VARS2: variants seen among roughly 807,000 people sequenced by gnomAD.
VARS2 encodes the protein valine--tRNA ligase, mitochondrial.
VARS2 carries 105 observed loss-of-function variants against 154.1 expected under a neutral mutation model. The ratio of observed to expected loss-of-function variants is 0.68; its 90% CI spans 0.58 to 0.80. The LOEUF is 0.80. Among genes scored for constraint, VARS2 ranks in the 30% least tolerant of loss-of-function variants. The probability of loss-of-function intolerance (pLI) is 0.00; values close to 1 mark genes in which losing one functional copy is unlikely to be tolerated. For synonymous variants in VARS2, 483 were observed against 539.5 expected, an observed-to-expected ratio of 0.90 and a Z score of 1.45; for missense variants, 1,157 against 1,361.4, an observed-to-expected ratio of 0.85 and a Z score of 2.36.
chr6:30,916,787 C>G lies in VARS2; in HGVS notation c.672-91C>G. The stretch of plus-strand genomic sequence containing the variant: ...AATGCCATCCTCACTTGATTTTCCT[C>G]CAACACCTGGCATTGCTGGGGGCAT... On this transcript the variant is annotated intron_variant, in intron 7 of 29. Transcript: ENST00000676266. The surrounding 1 kb of genome is among the most constrained non-coding windows in gnomAD (Gnocchi z 4.0). The G allele has an allele frequency of 7.6e-7, 1 of 1,323,774 alleles. No individual in the cohort carries two copies. Among genetic ancestry groups the G allele is most frequent in the Non-Finnish European group, 1.1e-6 (1 of 918,716 alleles). The allele number at this position is 1,323,774 out of a possible 1,614,324, so 82.0% of individuals were successfully genotyped here. A position where few individuals can be genotyped will look rare whatever the true frequency, so the allele number is the denominator to read the frequency against.
In VARS2 at chr6:30,919,973, G is replaced by A; in HGVS notation, c.1166-116G>A. Reference sequence around the variant, plus strand: ...AGGGTGGTCTGAGTGGGGAATGGGAGGGAGGCACAGACAGAGAAAGTCGCA... The same window carrying A: ...AGGGTGGTCTGAGTGGGGAATGGGAAGGAGGCACAGACAGAGAAAGTCGCA... On this transcript the variant is annotated intron_variant, in intron 12 of 29. Coordinates refer to ENST00000676266, the MANE Select transcript of VARS2 (RefSeq NM_020442.6). The surrounding 1 kb of genome is among the most constrained non-coding windows in gnomAD (Gnocchi z 4.5). The A allele has an allele frequency of 1.8e-6, 2 of 1,092,942 alleles. No homozygotes were observed. Among genetic ancestry groups the A allele is most frequent in the South Asian group, 3.6e-5 (2 of 54,858 alleles). The allele number at this position is 1,092,942 out of a possible 1,614,324, so 67.7% of individuals were successfully genotyped here.
In VARS2 at chr6:30,915,339, T is replaced by C. The variant is rs1181572311; in HGVS notation, c.284-16T>C. The stretch of plus-strand genomic sequence containing the variant: ...ACAAGTTCAGTGGTTAGTGGAGCTC[T>C]CCTCTGCCTTCACAGATGTCTCTGG... On this transcript the variant is annotated splice_polypyrimidine_tract_variant and intron_variant, in intron 3 of 29. Coordinates refer to ENST00000676266, the MANE Select transcript of VARS2 (RefSeq NM_020442.6). The C allele has an allele frequency of 1.4e-5, 23 of 1,613,980 alleles. No homozygotes were observed. The highest frequency in any genetic ancestry group is 1.9e-5 in the Non-Finnish European group (22 of 1,179,832).
In VARS2 at chr6:30,920,639, G is replaced by A; in HGVS notation, c.1398-29G>A. The A allele has an allele frequency of 6.6e-7, 1 of 1,520,598 alleles. No individual in the cohort carries two copies. Among genetic ancestry groups the A allele is most frequent in the Non-Finnish European group, 8.9e-7 (1 of 1,126,150 alleles). The allele number at this position is 1,520,598 out of a possible 1,614,324, so 94.2% of individuals were successfully genotyped here. On this transcript the variant is annotated intron_variant, in intron 14 of 29. Coordinates refer to ENST00000676266, the MANE Select transcript of VARS2 (RefSeq NM_020442.6). The surrounding 1 kb of genome is among the most constrained non-coding windows in gnomAD (Gnocchi z 4.6). ...TGGGAGAAGTCACAGGGCCGGAAGA[G>A]CAGTGGACTCACCCTGTCTCTCTTT...
At position 30,916,568 on chromosome 6, in the gene VARS2, T is replaced by C. The variant is rs1362433655; in HGVS notation, c.672-310T>C. ...CTTCTTCCACTCGCCCATTCCCACCTTTCAATTCCCATGGAATTACCCTCA... is the reference window on the plus strand; with the variant it reads ...CTTCTTCCACTCGCCCATTCCCACCCTTCAATTCCCATGGAATTACCCTCA... On this transcript the variant is annotated intron_variant, in intron 7 of 29. Coordinates refer to ENST00000676266, the MANE Select transcript of VARS2 (RefSeq NM_020442.6). The surrounding 1 kb of genome is among the most constrained non-coding windows in gnomAD (Gnocchi z 4.0). 2.3e-6 allele frequency: 1 copy of C among 427,460 alleles called. No individual in the cohort carries two copies. The allele number at this position is 427,460 out of a possible 1,614,324, so 26.5% of individuals were successfully genotyped here.
chr6:30,918,043 A>G (rs1055200187), intron 10 of VARS2, among the ~76,000 whole-genome samples: 1 of 150,442 alleles, frequency 6.6e-6, no homozygotes, highest in Non-Finnish European at 1.5e-5. Context: ...GAAAGAGATC[A>G]GTTCTAAGGT....
chr6:30,914,944 A>G lies in VARS2; in HGVS notation c.108A>G (p.Gly36=), dbSNP rs753240378. 4.3e-6 allele frequency: 7 copies of G among 1,613,026 alleles called. No individual in the cohort carries two copies. In the Admixed American group the frequency reaches 6.7e-5, roughly 15 times the overall value. Residue 36 remains glycine (G), a synonymous_variant, in exon 2 of 30, where the codon GGA becomes GGG. Coordinates refer to ENST00000676266, the MANE Select transcript of VARS2 (RefSeq NM_020442.6). The stretch of plus-strand genomic sequence containing the variant: ...TTTCTACACAGTCGGAGCCCCATGG[A>G]TCTCCCATCTCCCGGAGGAACCGTG... ...HSVSTQSEPH[G]SPISRRNREA... is the part of the protein sequence containing the mutation.
rs764216780 is a variant in VARS2, at chr6:30,914,952, T to C, written c.116T>C (p.Ile39Thr). The C allele has an allele frequency of 1.2e-6, 2 of 1,612,934 alleles. No individual in the cohort carries two copies. Among genetic ancestry groups the C allele is most frequent in the South Asian group, 2.2e-5 (2 of 91,080 alleles). The change falls in exon 2 of 30, where the codon ATC (isoleucine) becomes ACC (threonine). Residue 39 changes from isoleucine to threonine, a missense_variant. By Grantham distance (89) the Ile-to-Thr change is moderately conservative. Transcript: ENST00000676266. ...CAGTCGGAGCCCCATGGATCTCCCA[T>C]CTCCCGGAGGAACCGTGAAGCCAAA... ...STQSEPHGSPISRRNREAKQK... is the reference protein window; with the variant it reads ...STQSEPHGSPTSRRNREAKQK...
At position 30,919,360 on chromosome 6, in the gene VARS2, G is replaced by T. The variant is rs564516896; in HGVS notation, c.1075-398G>T. 3.4e-4 allele frequency: 65 copies of T among 189,432 alleles called. No individual in the cohort carries two copies. Among genetic ancestry groups the T allele is most frequent in the Admixed American group, 6.9e-4 (12 of 17,280 alleles). The allele number at this position is 189,432 out of a possible 1,614,324, so 11.7% of individuals were successfully genotyped here. A position where few individuals can be genotyped will look rare whatever the true frequency, so the allele number is the denominator to read the frequency against. On this transcript the variant is annotated intron_variant, in intron 11 of 29. Coordinates refer to ENST00000676266, the MANE Select transcript of VARS2 (RefSeq NM_020442.6). This position sits in a 1 kb window ranked among gnomAD's most constrained non-coding sequence, Gnocchi z 4.5. ...TTAAGTAATGTAATTTTTAAGTAAT[G>T]TTATTTAGTAGAGACGGAGTGTCAC...
rs1315602540 is a variant in VARS2 at position 30,925,263 on chromosome 6, C to T, written c.2674-11C>T. 1 of 1,606,042 alleles carries T rather than the reference C, an allele frequency of 6.2e-7. No individual in the cohort carries two copies. Among genetic ancestry groups the T allele is most frequent in the Admixed American group, 1.7e-5 (1 of 58,814 alleles). On this transcript the variant is annotated splice_polypyrimidine_tract_variant and intron_variant, in intron 26 of 29. Transcript: ENST00000676266. ...GCCCCTTTGCCAATTCTGGGTCCCC[C>T]CCATTGCCAGGAGCACTGGCGCCAG...
At position 30,921,012 on chromosome 6, in the gene VARS2, A is replaced by G; in HGVS notation, c.1480-53A>G. 1.3e-6 allele frequency: 2 copies of G among 1,542,204 alleles called. No individual in the cohort carries two copies. Among genetic ancestry groups the G allele is most frequent in the Non-Finnish European group, 8.8e-7 (1 of 1,137,100 alleles). Reference sequence around the variant, plus strand: ...CAGAGGCCACTCGTCCTATCTGTGGAGGTGCGGCCGTGCAGGAAGGGCAAC... The same window carrying G: ...CAGAGGCCACTCGTCCTATCTGTGGGGGTGCGGCCGTGCAGGAAGGGCAAC... On this transcript the variant is annotated intron_variant, in intron 15 of 29. Coordinates refer to ENST00000676266, the MANE Select transcript of VARS2 (RefSeq NM_020442.6). The surrounding 1 kb of genome is among the most constrained non-coding windows in gnomAD (Gnocchi z 4.6).
At position 30,922,906 on chromosome 6, in the gene VARS2, C is replaced by G; in HGVS notation, c.2115C>G (p.Asp705Glu). 1 of 1,605,106 alleles carries G rather than the reference C, an allele frequency of 6.2e-7. No homozygotes were observed. Among genetic ancestry groups the G allele is most frequent in the Non-Finnish European group, 8.5e-7 (1 of 1,175,070 alleles). The change falls in exon 23 of 30, where the codon GAC becomes GAG. Residue 705 changes from aspartate (D) to glutamate (E), a missense_variant. Transcript: ENST00000676266. ...TCTTCCTCTGGTTGCAGAAAAAGGA[C>G]TTTCCTCACGGGATCCCTGAGTGTG... ...LAIVAAAQKK[D>E]FPHGIPECGT...
rs981832473 is a variant in VARS2, at chr6:30,916,181, A to G, written c.603A>G (p.Glu201=). The change falls in exon 7 of 30, where the codon GAA becomes GAG. Residue 201 remains glutamate (E), a synonymous_variant. Transcript: ENST00000676266. The surrounding 1 kb of genome is among the most constrained non-coding windows in gnomAD (Gnocchi z 4.0). Reference sequence around the variant, plus strand: ...TGGTGGAGAAACAACTGTGGAAGGAACGGGGAGTGAGGAGACATGAGCTGA... The same window carrying G: ...TGGTGGAGAAACAACTGTGGAAGGAGCGGGGAGTGAGGAGACATGAGCTGA... ...QAVVEKQLWK[E]RGVRRHELSR... The G allele has an allele frequency of 1.2e-6, 2 of 1,613,980 alleles. No individual in the cohort carries two copies. The highest frequency in any genetic ancestry group is 2.2e-5 in the South Asian group (2 of 91,080).
rs908038990 is a variant in VARS2 at position 30,917,178 on chromosome 6, T to C, written c.827T>C (p.Leu276Pro). 1 of 1,614,078 alleles carries C rather than the reference T, an allele frequency of 6.2e-7. No homozygotes were observed. The highest frequency in any genetic ancestry group is 1.3e-5 in the African/African-American group (1 of 74,918). Residue 276 changes from leucine to proline, a missense_variant, in exon 9 of 30, where the codon CTT (leucine) becomes CCT (proline). Transcript: ENST00000676266. This position sits in a 1 kb window ranked among gnomAD's most constrained non-coding sequence, Gnocchi z 4.4. Reference sequence around the variant, plus strand: ...GGGTTGCTGTACCGGAACCATCAGCTTGTCAACTGGTCATGTGCTTTAAGA... The same window carrying C: ...GGGTTGCTGTACCGGAACCATCAGCCTGTCAACTGGTCATGTGCTTTAAGA... ...KAGLLYRNHQ[L>P]VNWSCALRSA...
In VARS2 at chr6:30,916,686, T is replaced by C. The variant is rs1261494098; in HGVS notation, c.672-192T>C. On this transcript the variant is annotated intron_variant, in intron 7 of 29. Coordinates refer to ENST00000676266, the MANE Select transcript of VARS2 (RefSeq NM_020442.6). This position sits in a 1 kb window ranked among gnomAD's most constrained non-coding sequence, Gnocchi z 4.0. The stretch of plus-strand genomic sequence containing the variant: ...CCCTCCTCTCTTCCTATAGAATCTT[T>C]TGCCTCTTTTAATATCTTAGAAAAC... 3 of 613,906 alleles carry C rather than the reference T, an allele frequency of 4.9e-6. No homozygotes were observed. Among genetic ancestry groups the C allele is most frequent in the Non-Finnish European group, 8.7e-6 (3 of 343,716 alleles). 38.0% of individuals were successfully genotyped at this position (613,906 alleles called of 1,614,324 possible).
chr6:30,924,601 G>A (rs142181268), intron 26 of VARS2, 41 bp downstream of exon 26: 52 of 1,066,074 alleles, frequency 4.9e-5, no homozygotes, highest in Non-Finnish European at 6.3e-5. Context: ...TGGGTGAATG[G>A]GGGGGAGCAC....
chr6:30,916,996 G>A lies in VARS2; in HGVS notation c.753+37G>A. Reference sequence around the variant, plus strand: ...GTGCCTTGGTCCCTGTGAGTGATGGGCGATGTTTAGGGATCTGTGTGGGGC... The same window carrying A: ...GTGCCTTGGTCCCTGTGAGTGATGGACGATGTTTAGGGATCTGTGTGGGGC... On this transcript the variant is annotated intron_variant, in intron 8 of 29. Transcript: ENST00000676266. This position sits in a 1 kb window ranked among gnomAD's most constrained non-coding sequence, Gnocchi z 4.0. 1.9e-6 allele frequency: 3 copies of A among 1,613,620 alleles called. No homozygotes were observed. The highest frequency in any genetic ancestry group is 2.5e-6 in the Non-Finnish European group (3 of 1,179,576).
intron 25 of VARS2, 37 bp downstream of exon 25, chr6:30,923,542 C>G (rs1401071334): frequency 1.3e-6 from 2 of 1,588,952 alleles, no homozygotes; most frequent in Non-Finnish European, 1.7e-6. Context: ...ATTCCCATGC[C>G]TGCTTCTAAT....
rs1205408721 is a variant in VARS2 at position 30,920,076 on chromosome 6, T to C, written c.1166-13T>C. ...GGTCAGGTTCAGTACTCACCATGGC[T>C]GTGCTCCCCAAGGGGCAGTGAAGGT... is the stretch of plus-strand genomic sequence containing the variant. On this transcript the variant is annotated splice_polypyrimidine_tract_variant and intron_variant, in intron 12 of 29. Coordinates refer to ENST00000676266, the MANE Select transcript of VARS2 (RefSeq NM_020442.6). The surrounding 1 kb of genome is among the most constrained non-coding windows in gnomAD (Gnocchi z 4.6). 1.3e-6 allele frequency: 2 copies of C among 1,527,282 alleles called. No homozygotes were observed. The highest frequency in any genetic ancestry group is 4.2e-5 in the Admixed American group (2 of 47,098). 94.6% of individuals were successfully genotyped at this position (1,527,282 alleles called of 1,614,324 possible).
In VARS2 at chr6:30,915,743, T is replaced by C. The variant is rs1794115256; in HGVS notation, c.385-3T>C. The C allele has an allele frequency of 6.2e-7, 1 of 1,613,040 alleles. No homozygotes were observed. Among genetic ancestry groups the C allele is most frequent in the South Asian group, 1.1e-5 (1 of 91,092 alleles). ...GCCCCTTTGACTTTTTTTCTTCCTCTAGGCCCGGCTGCCCCAAGCTACAGG... is the reference window on the plus strand; with the variant it reads ...GCCCCTTTGACTTTTTTTCTTCCTCCAGGCCCGGCTGCCCCAAGCTACAGG... On this transcript the variant is annotated splice_region_variant and splice_polypyrimidine_tract_variant and intron_variant, in intron 4 of 29. Transcript: ENST00000676266.
Sources: gnomAD v4.1 joint callset for allele counts (sites outside exome capture counted in the v4.1 genomes callset) on GRCh38, gnomAD v4.1.1 for gene constraint, Gnocchi (gnomAD v3.1) non-coding constraint, MANE v1.5 for transcripts, NCBI Gene and HGNC (gene_info 2026-07-23, HGNC 2026-07-21) for gene names.